FCRLB: variants seen among roughly 807,000 people sequenced by gnomAD.
The protein encoded by FCRLB is Fc receptor-like B.
A neutral mutation model predicts 33.6 loss-of-function variants in FCRLB; 34 were observed. The observed-to-expected ratio is 1.01, with a 90% confidence interval of 0.77 to 1.35. The LOEUF (loss-of-function observed/expected upper bound fraction) is 1.35, where lower values mean the gene tolerates loss of function less well. Ranked by LOEUF, FCRLB falls within the 40% of genes most tolerant of loss-of-function variation. FCRLB has a pLI of 0.00. For synonymous variants in FCRLB, 280 were observed against 255.9 expected (o/e 1.09, Z -0.90); for missense variants, 560 against 580.2 (o/e 0.97, Z 0.36).
At chr1:161,727,458 C>A in exon 8 of FCRLB, 2 of 1,614,090 alleles carry the variant, frequency 1.2e-6, no homozygotes, top group Non-Finnish European at 1.7e-6. Context: ...CGCCGACGCC[C>A]TTGGAACAAT....
chr1:161,722,939 A>C (rs370828786), intron 3 of FCRLB, 50 bp from the exon 4 acceptor site: 2 of 1,611,146 alleles, frequency 1.2e-6, no homozygotes, highest in Non-Finnish European at 1.7e-6. Flanking sequence ...CTCTCCTCTC[A>C]TCGCCAATAT....
chr1:161,722,889 G>A, intron 3 of FCRLB, 100 bp from the exon 4 acceptor site: 2 of 1,556,106 alleles, frequency 1.3e-6, no homozygotes, highest in Non-Finnish European at 1.8e-6. Context: ...AAGAAAAACA[G>A]GTTTTGGGAC....
At chr1:161,727,789 A>G (rs1683652230) in exon 8 of FCRLB, 1 of 1,233,712 alleles carries the variant, frequency 8.1e-7, no homozygotes, top group African/African-American at 1.5e-5. Context: ...AGGAGCGCCC[A>G]CGAAGTGTAG....
intron 5 of FCRLB, among the ~76,000 whole-genome samples, chr1:161,724,010 A>T (rs1683460737): frequency 6.6e-6 from 1 of 152,222 alleles, no homozygotes; most frequent in African/African-American, 2.4e-5. Context: ...GTCTGAGCAT[A>T]GATCAAGGAT....
rs1417297083 is a variant in FCRLB, at chr1:161,726,412, C to A, written c.575-291C>A. 2 of 717,380 alleles carry A rather than the reference C, an allele frequency of 2.8e-6. No homozygotes were observed. The highest frequency in any genetic ancestry group is 3.0e-5 in the South Asian group (2 of 67,082). The allele number at this position is 717,380 out of a possible 1,614,324, so 44.4% of individuals were successfully genotyped here. A position where few individuals can be genotyped will look rare whatever the true frequency, so the allele number is the denominator to read the frequency against. On this transcript the variant is annotated intron_variant, in intron 6 of 7. Transcript: ENST00000367948. This position sits in a 1 kb window ranked among gnomAD's most constrained non-coding sequence, Gnocchi z 5.2. ...ACTCCCTAGCGTCCTGCAAGGCAGG[C>A]GCAGCGTCTCCTATTCTAGGCTGCA...
intron 5 of FCRLB, 48 bp downstream of exon 5, chr1:161,723,669 C>A: frequency 6.3e-7 from 1 of 1,586,368 alleles, no homozygotes. Flanking sequence ...TCTCCTCTGG[C>A]AATACTAGTC....
chr1:161,726,979 A>C lies in FCRLB; in HGVS notation c.851A>C (p.Gln284Pro). Residue 284 changes from glutamine to proline, a missense_variant, in exon 7 of 8, where the codon CAG becomes CCG. Physicochemically the swap from Gln to Pro is moderately conservative, Grantham distance 76. Coordinates refer to ENST00000367948, the Ensembl canonical transcript of FCRLB. This position sits in a 1 kb window ranked among gnomAD's most constrained non-coding sequence, Gnocchi z 5.2. ...GTCCGGAAACGCAGTCCGTGGCTGC[A>C]GCTCCCGGGGCCGGGTGAGTGCCTG... is the stretch of plus-strand genomic sequence containing the variant. 6.6e-7 allele frequency: 1 copy of C among 1,526,584 alleles called. No homozygotes were observed. Among genetic ancestry groups the C allele is most frequent in the Middle Eastern group, 2.1e-4 (1 of 4,704 alleles). The allele number at this position is 1,526,584 out of a possible 1,614,324, so 94.6% of individuals were successfully genotyped here.
chr1:161,726,235 T>G lies in FCRLB; in HGVS notation c.574+148T>G. ...GACTATGGACGCTGTCTCCTCTCCT[T>G]TGCCGTGAAGCAGCGCTTGATCCGC... On this transcript the variant is annotated intron_variant, in intron 6 of 7. Coordinates refer to ENST00000367948, the Ensembl canonical transcript of FCRLB. This position sits in a 1 kb window ranked among gnomAD's most constrained non-coding sequence, Gnocchi z 5.2. The G allele has an allele frequency of 7.4e-7, 1 of 1,355,606 alleles. No homozygotes were observed. The highest frequency in any genetic ancestry group is 1.0e-6 in the Non-Finnish European group (1 of 975,312). The allele number at this position is 1,355,606 out of a possible 1,614,324, so 84.0% of individuals were successfully genotyped here.
At chr1:161,727,287 A>G in exon 8 of FCRLB, 1 of 1,612,346 alleles carries the variant, frequency 6.2e-7, no homozygotes, top group South Asian at 1.1e-5. Flanking sequence ...CCCCAGCTCC[A>G]TGGGCCGCAG....
At chr1:161,722,224 AG>A (rs1683395861) in intron 2 of FCRLB, among the ~76,000 whole-genome samples, 1 of 152,154 alleles carries the variant, frequency 6.6e-6, no homozygotes, top group African/African-American at 2.4e-5. Flanking sequence ...AGCAGGAAAA[AG>A]GTCCTTAAGG....
chr1:161,727,718 CT>C, exon 8 of FCRLB: 2 of 1,501,042 alleles, frequency 1.3e-6, no homozygotes, highest in Non-Finnish European at 1.8e-6. Context: ...CCTGCTTCCC[CT>C]CACGCGAATT....
At chr1:161,725,871 C>T (rs779991506) in exon 6 of FCRLB, 1 of 1,614,024 alleles carries the variant, frequency 6.2e-7, no homozygotes, top group African/African-American at 1.3e-5. Context: ...GGGTGAGCCG[C>T]TAGTCCTGCG....
Position 161,726,647 on chromosome 1 carries a change from G to T in FCRLB, c.575-56G>T. 6.5e-7 allele frequency: 1 copy of T among 1,549,524 alleles called. No individual in the cohort carries two copies. The highest frequency in any genetic ancestry group is 8.7e-7 in the Non-Finnish European group (1 of 1,154,502). ...GAGCCCTCGCGGGAAGCAGGAAGGA[G>T]CGGGGTCGCGGAGCGGTGGACAAGC... On this transcript the variant is annotated intron_variant, in intron 6 of 7. Transcript: ENST00000367948. This position sits in a 1 kb window ranked among gnomAD's most constrained non-coding sequence, Gnocchi z 5.2.
In FCRLB at chr1:161,726,402, G is replaced by A; in HGVS notation, c.575-301G>A. 1.4e-6 allele frequency: 1 copy of A among 718,606 alleles called. No individual in the cohort carries two copies. Among genetic ancestry groups the A allele is most frequent in the Non-Finnish European group, 2.5e-6 (1 of 401,740 alleles). The allele number at this position is 718,606 out of a possible 1,614,324, so 44.5% of individuals were successfully genotyped here. On this transcript the variant is annotated intron_variant, in intron 6 of 7. Transcript: ENST00000367948. This position sits in a 1 kb window ranked among gnomAD's most constrained non-coding sequence, Gnocchi z 5.2. Reference sequence around the variant, plus strand: ...CGAAGGAGCGACTCCCTAGCGTCCTGCAAGGCAGGCGCAGCGTCTCCTATT... The same window carrying A: ...CGAAGGAGCGACTCCCTAGCGTCCTACAAGGCAGGCGCAGCGTCTCCTATT...
At position 161,726,841 on chromosome 1, in the gene FCRLB, A is replaced by G. The variant is rs1423897786; in HGVS notation, c.713A>G (p.Lys238Arg). The G allele has an allele frequency of 1.3e-6, 2 of 1,573,044 alleles. No individual in the cohort carries two copies. The highest frequency in any genetic ancestry group is 4.7e-5 in the East Asian group (2 of 42,522). ...ACGCCGCTGCAGTTCGCGTTTTACA[A>G]GTACAGCCGCGCGGTGCGCCGCTTC... The change falls in exon 7 of 8, where the codon AAG becomes AGG. Residue 238 changes from lysine (K) to arginine (R), a missense_variant. Physicochemically the swap from Lys to Arg is conservative, Grantham distance 26 (BLOSUM62 2). Coordinates refer to ENST00000367948, the Ensembl canonical transcript of FCRLB. This position sits in a 1 kb window ranked among gnomAD's most constrained non-coding sequence, Gnocchi z 5.2.
Position 161,726,511 on chromosome 1 carries a change from C to G in FCRLB, c.575-192C>G. On this transcript the variant is annotated intron_variant, in intron 6 of 7. Coordinates refer to ENST00000367948, the Ensembl canonical transcript of FCRLB. This position sits in a 1 kb window ranked among gnomAD's most constrained non-coding sequence, Gnocchi z 5.2. ...GGTCCCTCTTCCTTTCAAGCTTTCC[C>G]CGTCCCTCGTGGACTCGGTCCCCCT... The G allele has an allele frequency of 1.2e-6, 1 of 830,312 alleles. No individual in the cohort carries two copies. The highest frequency in any genetic ancestry group is 2.0e-6 in the Non-Finnish European group (1 of 502,524). The allele number at this position is 830,312 out of a possible 1,614,324, so 51.4% of individuals were successfully genotyped here. A position where few individuals can be genotyped will look rare whatever the true frequency, so the allele number is the denominator to read the frequency against.
chr1:161,727,510 G>T lies in FCRLB; in HGVS notation c.1129G>T (p.Glu377Ter). The T allele has an allele frequency of 6.2e-7, 1 of 1,614,200 alleles. No individual in the cohort carries two copies. The stretch of plus-strand genomic sequence containing the variant: ...ACCCGACGTGGACCTTCTGCTCCGA[G>T]AAATGCAGCTGCTCAAAGGCCTTCT... The change falls in exon 8 of 8, where the codon GAA becomes TAA. Residue 377 changes from glutamate to a stop codon, truncating the protein, a stop_gained. Coordinates refer to ENST00000367948, the Ensembl canonical transcript of FCRLB. LOFTEE classifies it low-confidence loss of function (END_TRUNC).
chr1:161,722,506 T>C, intron 2 of FCRLB, 147 bp from the exon 3 acceptor site: 1 of 736,144 alleles, frequency 1.4e-6, no homozygotes, highest in South Asian at 1.7e-5. Flanking sequence ...ATTCAGCCTG[T>C]CTCCCACTGG....
intron 4 of FCRLB, 112 bp from the exon 5 acceptor site, chr1:161,723,255 G>T: frequency 7.4e-7 from 1 of 1,342,888 alleles, no homozygotes; most frequent in Non-Finnish European, 1.0e-6. Context: ...ACATGGGCTG[G>T]GGCCTGCGAG....
Sources: allele counts gnomAD v4.1 joint callset (sites outside exome capture counted in the v4.1 genomes callset), GRCh38; gene constraint gnomAD v4.1.1; non-coding constraint Gnocchi (gnomAD v3.1); transcripts MANE v1.5; gene names NCBI Gene and HGNC (gene_info 2026-07-23, HGNC 2026-07-21).